Variants in ADGRB3 observed in about 807,000 individuals in gnomAD.
ADGRB3 encodes the protein brain-specific angiogenesis inhibitor 3.
Under a neutral mutation model 193.4 loss-of-function variants are expected in ADGRB3, and 37 were observed. That is an observed-to-expected ratio of 0.19 (90% CI 0.15 to 0.25). The LOEUF is 0.25. Among genes scored for constraint, ADGRB3 ranks in the 10% least tolerant of loss-of-function variants. The pLI is 1.00. For synonymous variants in ADGRB3, 690 were observed against 644.2 expected, an observed-to-expected ratio of 1.07 and a Z score of -1.08; for missense variants, 1,637 against 1,852.9, an observed-to-expected ratio of 0.88 and a Z score of 2.14.
chr6:68,941,082 A>G (rs1216673230), intron 5 of ADGRB3, among the ~76,000 whole-genome samples: 1 of 152,182 alleles, frequency 6.6e-6, no homozygotes, highest in Non-Finnish European at 1.5e-5. Context: ...AAGGAGGAAA[A>G]CTATAAAAAT....
chr6:68,640,557 GT>G (rs1280379094), intron 3 of ADGRB3, among the ~76,000 whole-genome samples: 1 of 152,168 alleles, frequency 6.6e-6, no homozygotes, highest in Non-Finnish European at 1.5e-5. Context: ...TGCAGGAAAT[GT>G]TTTCTGATTG....
intron 3 of ADGRB3, among the ~76,000 whole-genome samples, chr6:68,762,206 C>T (rs1158926595): frequency 6.6e-6 from 1 of 152,044 alleles, no homozygotes; most frequent in Non-Finnish European, 1.5e-5. Flanking sequence ...TGTTCAATCC[C>T]TTCTCTTTTC....
chr6:68,722,843 G>A (rs993755596), intron 3 of ADGRB3, among the ~76,000 whole-genome samples: 1 of 151,332 alleles, frequency 6.6e-6, no homozygotes, highest in African/African-American at 2.4e-5. Context: ...TTATTATATA[G>A]GGTAATGTTC....
At chr6:68,823,234 A>G (rs945715319) in intron 3 of ADGRB3, among the ~76,000 whole-genome samples, 1 of 152,024 alleles carries the variant, frequency 6.6e-6, no homozygotes, top group Non-Finnish European at 1.5e-5. Flanking sequence ...GCTAGTAGGA[A>G]CACTTGTCAT....
intron 8 of ADGRB3, among the ~76,000 whole-genome samples, chr6:68,966,041 C>T (rs557727801): frequency 2.0e-5 from 3 of 152,204 alleles, no homozygotes; most frequent in South Asian, 2.1e-4. Flanking sequence ...AAACTATTTT[C>T]GGCATCTCCT....
At chr6:69,040,736 C>G (rs1276375257) in intron 13 of ADGRB3, among the ~76,000 whole-genome samples, 1 of 109,960 alleles carries the variant, frequency 9.1e-6, no homozygotes, top group African/African-American at 3.5e-5. Context: ...GTTGATGAGT[C>G]ACAAATAATT....
intron 3 of ADGRB3, among the ~76,000 whole-genome samples, chr6:68,727,790 G>C (rs776707517): frequency 8.6e-5 from 13 of 151,464 alleles, no homozygotes; most frequent in Non-Finnish European, 1.9e-4. Flanking sequence ...GAAAACTGAT[G>C]TTGGGAATTA....
chr6:68,912,298 T>C (rs982729400), intron 3 of ADGRB3, among the ~76,000 whole-genome samples: 4 of 152,038 alleles, frequency 2.6e-5, no homozygotes, highest in African/African-American at 9.7e-5. Flanking sequence ...GGCCTAATAT[T>C]AACACTTATT....
At chr6:69,268,130 A>G (rs576038664) in intron 20 of ADGRB3, among the ~76,000 whole-genome samples, 29 of 152,316 alleles carry the variant, frequency 1.9e-4, no homozygotes, top group Middle Eastern at 3.4e-3. Context: ...CTTGAAAACA[A>G]TGCACAGGGA....
At chr6:69,350,017 A>G (rs1257383953) in intron 26 of ADGRB3, among the ~76,000 whole-genome samples, 1 of 152,178 alleles carries the variant, frequency 6.6e-6, no homozygotes, top group Non-Finnish European at 1.5e-5. Flanking sequence ...TTCAGAGCGA[A>G]GACCAGTCCA....
intron 17 of ADGRB3, among the ~76,000 whole-genome samples, chr6:69,213,108 A>G (rs540787291): frequency 7.9e-5 from 12 of 152,162 alleles, no homozygotes; most frequent in Admixed American, 2.0e-4. Flanking sequence ...GACTGTGAAT[A>G]CTTAGCACAA....
chr6:68,666,929 G>A (rs1264764646), intron 3 of ADGRB3, among the ~76,000 whole-genome samples: 2 of 151,564 alleles, frequency 1.3e-5, no homozygotes, highest in Non-Finnish European at 2.9e-5. Context: ...CCAAATTAAT[G>A]TGGTTATTTT....
intron 20 of ADGRB3, among the ~76,000 whole-genome samples, chr6:69,322,963 A>T (rs1238538806): frequency 3.9e-5 from 6 of 152,016 alleles, no homozygotes; most frequent in African/African-American, 1.4e-4. Context: ...ATTGAAATAA[A>T]TGTCAGTGGC....
At chr6:68,936,213 A>C (rs1767481983) in intron 4 of ADGRB3, among the ~76,000 whole-genome samples, 1 of 152,180 alleles carries the variant, frequency 6.6e-6, no homozygotes, top group Non-Finnish European at 1.5e-5. Flanking sequence ...ATTTGAAGAG[A>C]ATCACCTCAA....
intron 17 of ADGRB3, among the ~76,000 whole-genome samples, chr6:69,193,180 C>T (rs561974513): frequency 6.6e-6 from 1 of 152,208 alleles, no homozygotes; most frequent in Admixed American, 6.5e-5. Context: ...TCCTCTCTTA[C>T]AGTAAATTTC....
chr6:68,958,896 TGTGTG>T, intron 8 of ADGRB3, among the ~76,000 whole-genome samples: 1 of 151,832 alleles, frequency 6.6e-6, no homozygotes. Context: ...TGTGTGTGTG[TGTGTG>T]TGTGTGTGTG....
chr6:69,245,074 T>C (rs1362983782), intron 20 of ADGRB3, among the ~76,000 whole-genome samples: 1 of 152,044 alleles, frequency 6.6e-6, no homozygotes, highest in Non-Finnish European at 1.5e-5. Context: ...CCAACTCAAT[T>C]ACATAAGCTA....
intron 20 of ADGRB3, among the ~76,000 whole-genome samples, chr6:69,269,129 C>T (rs1013078473): frequency 3.9e-5 from 6 of 152,036 alleles, no homozygotes; most frequent in East Asian, 1.9e-4. Flanking sequence ...CCTTTAGAAA[C>T]GCAGAAGCTG....
At chr6:68,644,632 T>A (rs10945133) in intron 3 of ADGRB3, among the ~76,000 whole-genome samples, 31,015 of 152,146 alleles carry the variant, frequency 0.2, 4,136 homozygotes, top group Non-Finnish European at 0.3. Flanking sequence ...ATGATCTATG[T>A]TAGTGATGGA....
Sources: gnomAD v4.1 joint callset for allele counts (sites outside exome capture counted in the v4.1 genomes callset) on GRCh38, gnomAD v4.1.1 for gene constraint, MANE v1.5 for transcripts, NCBI Gene and HGNC (gene_info 2026-07-23, HGNC 2026-07-21) for gene names.